Variants in TARS2 observed in about 807,000 individuals in gnomAD.
The protein encoded by TARS2 is threonine--tRNA ligase, mitochondrial.
Under a neutral mutation model 94.4 loss-of-function variants are expected in TARS2, and 61 were observed. That is an observed-to-expected ratio of 0.65 (90% CI 0.53 to 0.80). TARS2 has a LOEUF of 0.80. TARS2 is among the 30% of genes least tolerant of loss of function. The pLI, the probability that TARS2 is intolerant of heterozygous loss-of-function variation, is 0.00. For synonymous variants in TARS2, 359 were observed against 353.4 expected (o/e 1.02, Z -0.18); for missense variants, 704 against 902.5 (o/e 0.78, Z 2.82).
intron 13 of TARS2, among the ~76,000 whole-genome samples, chr1:150,501,575 A>T (rs891081176): frequency 1.1e-4 from 17 of 149,680 alleles, no homozygotes; most frequent in African/African-American, 3.9e-4. Flanking sequence ...TGACCTCATG[A>T]TCTGCCCGCC....
At chr1:150,493,320 G>T (rs1669488596) in intron 7 of TARS2, among the ~76,000 whole-genome samples, 1 of 152,148 alleles carries the variant, frequency 6.6e-6, no homozygotes, top group South Asian at 2.1e-4. Flanking sequence ...AAGGGGGGTG[G>T]AGGGGTGGAG....
intron 13 of TARS2, among the ~76,000 whole-genome samples, chr1:150,501,627 C>T (rs991858444): frequency 3.3e-5 from 5 of 151,254 alleles, no homozygotes; most frequent in African/African-American, 7.3e-5. Flanking sequence ...TGAGCCACTG[C>T]GCCCGACCGT....
chr1:150,493,434 A>C (rs1230334803), intron 7 of TARS2, among the ~76,000 whole-genome samples: 1 of 152,064 alleles, frequency 6.6e-6, no homozygotes, highest in African/African-American at 2.4e-5. Flanking sequence ...GCACAGGGAA[A>C]ATACCTTTAG....
intron 13 of TARS2, among the ~76,000 whole-genome samples, chr1:150,503,585 A>AGTG (rs1670031580): frequency 7.3e-6 from 1 of 137,110 alleles, no homozygotes; most frequent in South Asian, 2.3e-4. Context: ...GTGTATATAT[A>AGTG]TGTGTGTGTG....
At position 150,499,270 on chromosome 1, in the gene TARS2, G is replaced by A; in HGVS notation, c.1594G>A (p.Asp532Asn). Residue 532 changes from aspartate to asparagine, a missense_variant, in exon 13 of 18, where the codon GAT becomes AAT. Coordinates refer to ENST00000369064, the MANE Select transcript of TARS2 (RefSeq NM_025150.5). Reference protein sequence around the residue: ...FGEPWDLNSGDGAFYGPKIDV... With the variant: ...FGEPWDLNSGNGAFYGPKIDV... Reference sequence around the variant, plus strand: ...AGAACCCTGGGACCTCAACTCTGGAGATGGTGCCTTCTATGGACCTAAGGT... The same window carrying A: ...AGAACCCTGGGACCTCAACTCTGGAAATGGTGCCTTCTATGGACCTAAGGT... The A allele has an allele frequency of 6.2e-7, 1 of 1,614,178 alleles. No homozygotes were observed. Among genetic ancestry groups the A allele is most frequent in the Non-Finnish European group, 8.5e-7 (1 of 1,180,022 alleles).
chr1:150,490,344 C>T (rs1296693530), intron 3 of TARS2, among the ~76,000 whole-genome samples: 2 of 151,988 alleles, frequency 1.3e-5, no homozygotes, highest in Non-Finnish European at 2.9e-5. Context: ...GCCTCGAACT[C>T]CTGACCTCAG....
intron 13 of TARS2, among the ~76,000 whole-genome samples, chr1:150,502,421 C>CT (rs1201150693): frequency 2.5e-4 from 37 of 145,542 alleles, no homozygotes; most frequent in Admixed American, 1.2e-3. Context: ...GAGTTTTACT[C>CT]TGTCGCCAGG....
chr1:150,502,489 G>A (rs587605114), intron 13 of TARS2, among the ~76,000 whole-genome samples: 3 of 151,622 alleles, frequency 2.0e-5, no homozygotes, highest in Admixed American at 6.6e-5. Flanking sequence ...GGGTTCAAGC[G>A]ATTCTCCTGC....
Position 150,506,910 on chromosome 1 carries a change from C to T in TARS2, c.2009-6C>T. On this transcript the variant is annotated splice_polypyrimidine_tract_variant and splice_region_variant and intron_variant, in intron 17 of 17. Transcript: ENST00000369064. ...CCTGAGGTTCCCAAACTTCCTCTAC[C>T]TGCAGTGGTTGGCCAGAAAGAGCAA... The T allele has an allele frequency of 6.2e-7, 1 of 1,614,048 alleles. No individual in the cohort carries two copies. The highest frequency in any genetic ancestry group is 8.5e-7 in the Non-Finnish European group (1 of 1,179,982).
At chr1:150,492,568 T>G (rs1669445075) in intron 7 of TARS2, 79 bp downstream of exon 7, 1 of 1,477,626 alleles carries the variant, frequency 6.8e-7, no homozygotes, top group Non-Finnish European at 9.4e-7. Context: ...TCCCAGCACT[T>G]TGGGAGGCTG....
In TARS2 at chr1:150,496,426, A is replaced by G. The variant is rs113110691; in HGVS notation, c.775-56A>G. The G allele has an allele frequency of 1.2e-5, 18 of 1,535,354 alleles. No individual in the cohort carries two copies. The African/African-American group carries it at 1.2e-4, about 11-fold the overall frequency. ...CTGAGAGTATCATTTGAGTCTTGAA[A>G]AAGGTGGGGGCCTTCAGTCCTCATC... On this transcript the variant is annotated intron_variant, in intron 7 of 17. Coordinates refer to ENST00000369064, the MANE Select transcript of TARS2 (RefSeq NM_025150.5).
chr1:150,490,741 A>G lies in TARS2; in HGVS notation c.512+16A>G. The stretch of plus-strand genomic sequence containing the variant: ...GAAAGGAGAGGTGAGTAATGAAAGG[A>G]AGGAGGAGAATGATTCTGGGATGGT... On this transcript the variant is annotated intron_variant, in intron 4 of 17. Transcript: ENST00000369064. 1 of 1,613,148 alleles carries G rather than the reference A, an allele frequency of 6.2e-7. No individual in the cohort carries two copies. The highest frequency in any genetic ancestry group is 8.5e-7 in the Non-Finnish European group (1 of 1,179,794).
At chr1:150,501,814 C>T (rs1233745070) in intron 13 of TARS2, among the ~76,000 whole-genome samples, 1 of 151,868 alleles carries the variant, frequency 6.6e-6, no homozygotes, top group South Asian at 2.1e-4. Flanking sequence ...AAAACCCTGT[C>T]TCAATAAAAT....
At position 150,504,615 on chromosome 1, in the gene TARS2, C is replaced by A. The variant is rs201218331; in HGVS notation, c.1719-17C>A. The A allele has an allele frequency of 1.3e-3, 2,110 of 1,612,738 alleles. 9 individuals carry two copies. The Middle Eastern group carries it at 0.018, about 14-fold the overall frequency. On this transcript the variant is annotated splice_polypyrimidine_tract_variant and intron_variant, in intron 14 of 17. Coordinates refer to ENST00000369064, the MANE Select transcript of TARS2 (RefSeq NM_025150.5). Reference sequence around the variant, plus strand: ...TACTTCCACCATTCCATCCACCCCCCCCTTTTTCCTTTCAAGGCAGGCGGG... The same window carrying A: ...TACTTCCACCATTCCATCCACCCCCACCTTTTTCCTTTCAAGGCAGGCGGG...
chr1:150,503,675 GTATATATGTGTA>G (rs1159177541), intron 13 of TARS2, among the ~76,000 whole-genome samples: 5 of 118,144 alleles, frequency 4.2e-5, no homozygotes, highest in East Asian at 3.3e-4. Context: ...ATATATGTGT[GTATATATGTGTA>G]TATATATGTG....
intron 2 of TARS2, 145 bp from the exon 3 acceptor site, chr1:150,488,819 C>T (rs1256860628): frequency 2.4e-6 from 3 of 1,248,852 alleles, no homozygotes; most frequent in African/African-American, 3.0e-5. Flanking sequence ...CCATCCTTTC[C>T]AGCCTCTGGT....
chr1:150,497,645 A>G lies in TARS2; in HGVS notation c.1136A>G (p.Gln379Arg), dbSNP rs1379852103. The G allele has an allele frequency of 6.2e-7, 1 of 1,614,210 alleles. No homozygotes were observed. Among genetic ancestry groups the G allele is most frequent in the Admixed American group, 1.7e-5 (1 of 60,014 alleles). ...EHYQEDMFAVQPPGSDRPPSS... is the reference protein window; with the variant it reads ...EHYQEDMFAVRPPGSDRPPSS... ...TATCAGGAAGACATGTTTGCCGTGCAGCCCCCAGGCTCTGACAGGCCTCCC... is the reference window on the plus strand; with the variant it reads ...TATCAGGAAGACATGTTTGCCGTGCGGCCCCCAGGCTCTGACAGGCCTCCC... Residue 379 changes from glutamine (Q) to arginine (R), a missense_variant, in exon 10 of 18, where the codon CAG (glutamine) becomes CGG (arginine). Coordinates refer to ENST00000369064, the MANE Select transcript of TARS2 (RefSeq NM_025150.5).
chr1:150,494,764 G>A (rs1033061625), intron 7 of TARS2, among the ~76,000 whole-genome samples: 4 of 152,080 alleles, frequency 2.6e-5, no homozygotes, highest in African/African-American at 9.7e-5. Context: ...GGGGCTGGGC[G>A]TGGTGGCTCA....
rs202207199 is a variant in TARS2 at position 150,491,664 on chromosome 1, T to C, written c.695+2T>C. The C allele has an allele frequency of 6.2e-7, 1 of 1,613,954 alleles. No individual in the cohort carries two copies. The highest frequency in any genetic ancestry group is 1.3e-5 in the African/African-American group (1 of 74,956). On this transcript the variant is annotated splice_donor_variant, in intron 6 of 17. Transcript: ENST00000369064. LOFTEE classifies it high-confidence loss of function. The stretch of plus-strand genomic sequence containing the variant: ...AGGTCCAACAGCAACAGTATATGGG[T>C]AAGAGTTGTCAAGATTAAGGCAAAC...
Sources: allele counts gnomAD v4.1 joint callset (sites outside exome capture counted in the v4.1 genomes callset), GRCh38; gene constraint gnomAD v4.1.1; transcripts MANE v1.5; gene names NCBI Gene and HGNC (gene_info 2026-07-23, HGNC 2026-07-21).